The following SMYD3 variants were observed in gnomAD, a reference collection of about 807,000 sequenced individuals.
SMYD3 encodes histone-lysine N-methyltransferase SMYD3.
SMYD3 carries 36 observed loss-of-function variants against 57.7 expected under a neutral mutation model. The observed-to-expected ratio is 0.62, with a 90% confidence interval of 0.48 to 0.82. The LOEUF is 0.82. SMYD3 is among the 40% of genes least tolerant of loss of function. The pLI is 0.00. For synonymous variants in SMYD3, 211 were observed against 195.0 expected (o/e 1.08, Z -0.68); for missense variants, 515 against 538.8 (o/e 0.96, Z 0.44).
chr1:245,830,189 A>G (rs2049750967), intron 10 of SMYD3, among the ~76,000 whole-genome samples: 1 of 152,212 alleles, frequency 6.6e-6, no homozygotes, highest in South Asian at 2.1e-4. Flanking sequence ...TGATCTCAGC[A>G]GTTTGTTCTC....
intron 10 of SMYD3, among the ~76,000 whole-genome samples, chr1:245,776,796 G>C (rs1469370468): frequency 6.6e-6 from 1 of 152,226 alleles, no homozygotes; most frequent in East Asian, 1.9e-4. Flanking sequence ...AGAATCATGA[G>C]AAAGTGAGGC....
At chr1:245,798,398 A>ACACACCACACATACACACACACACATACT (rs1553325421) in intron 10 of SMYD3, among the ~76,000 whole-genome samples, 1 of 15,400 alleles carries the variant, frequency 6.5e-5, no homozygotes, top group Non-Finnish European at 4.6e-4. Flanking sequence ...GCGCACACAC[A>ACACACCACACATACACACACACACATACT]CACACACATA....
chr1:246,036,641 C>T (rs1419396710), intron 5 of SMYD3, among the ~76,000 whole-genome samples: 4 of 150,976 alleles, frequency 2.6e-5, no homozygotes, highest in African/African-American at 7.3e-5. Context: ...GCAAGCTCCA[C>T]CTCCCGGGTT....
intron 10 of SMYD3, among the ~76,000 whole-genome samples, chr1:245,845,457 G>C (rs2050616877): frequency 6.6e-6 from 1 of 152,208 alleles, no homozygotes; most frequent in Non-Finnish European, 1.5e-5. Flanking sequence ...GCCAGAAGGA[G>C]ATAGCACACA....
chr1:246,161,338 G>A (rs934735167), intron 5 of SMYD3, among the ~76,000 whole-genome samples: 1 of 152,160 alleles, frequency 6.6e-6, no homozygotes, highest in Non-Finnish European at 1.5e-5. Flanking sequence ...TTTTCTCTGT[G>A]TGCTAAGCTG....
At chr1:246,506,954 T>A in intron 1 of SMYD3, 100 bp downstream of exon 1, 2 of 1,150,332 alleles carry the variant, frequency 1.7e-6, no homozygotes, top group Non-Finnish European at 2.3e-6. Flanking sequence ...TGCAGCCCCA[T>A]CCAGCAGGAG....
At chr1:245,897,993 G>A (rs1368666495) in intron 8 of SMYD3, among the ~76,000 whole-genome samples, 1 of 152,164 alleles carries the variant, frequency 6.6e-6, no homozygotes, top group Admixed American at 6.5e-5. Flanking sequence ...AATGCTTTGT[G>A]AGTGCCTCAG....
intron 5 of SMYD3, among the ~76,000 whole-genome samples, chr1:246,263,349 C>G (rs201181235): frequency 2.6e-5 from 4 of 151,892 alleles, no homozygotes; most frequent in Non-Finnish European, 5.9e-5. Flanking sequence ...TGTATGTGAC[C>G]TGGGCACATA....
intron 5 of SMYD3, among the ~76,000 whole-genome samples, chr1:246,233,044 G>A (rs528326503): frequency 1.5e-5 from 2 of 133,354 alleles, no homozygotes; most frequent in East Asian, 1.0e-3. Flanking sequence ...ACACAGGGGA[G>A]AAGCACTCCT....
chr1:246,493,668 T>C (rs902736027), intron 1 of SMYD3, among the ~76,000 whole-genome samples: 1 of 152,096 alleles, frequency 6.6e-6, no homozygotes, highest in Admixed American at 6.5e-5. Context: ...ACTATTCCAA[T>C]AGTTCAAAAC....
chr1:246,409,220 T>C lies in SMYD3; in HGVS notation c.165-54126A>G, dbSNP rs535684692. Among the ~76,000 whole-genome samples, 1,053 of 152,268 alleles carry C rather than the reference T, an allele frequency of 6.9e-3. 13 individuals are homozygous for C. The highest frequency in any genetic ancestry group is 0.024 in the African/African-American group (1,001 of 41,546). ...TCAATTTTGGCTTTTGTTGCCATTGTTTTTGGTGTTTTAGACATGAAGTCT... is the reference window on the plus strand; with the variant it reads ...TCAATTTTGGCTTTTGTTGCCATTGCTTTTGGTGTTTTAGACATGAAGTCT... On this transcript the variant is annotated intron_variant, in intron 1 of 11. Coordinates refer to ENST00000490107, the MANE Select transcript of SMYD3 (RefSeq NM_001167740.2).
At chr1:246,442,535 C>T (rs552918617) in intron 1 of SMYD3, among the ~76,000 whole-genome samples, 24 of 150,938 alleles carry the variant, frequency 1.6e-4, no homozygotes, top group East Asian at 3.9e-4. Flanking sequence ...GCTATAAGAG[C>T]GAAACCCCTT....
At chr1:246,346,455 A>G (rs1186044983) in intron 2 of SMYD3, among the ~76,000 whole-genome samples, 1 of 122,590 alleles carries the variant, frequency 8.2e-6, no homozygotes, top group Non-Finnish European at 1.7e-5. Flanking sequence ...CTATGAAAAA[A>G]TACTCAATAC....
chr1:245,833,614 T>C (rs1267950557), intron 10 of SMYD3, among the ~76,000 whole-genome samples: 3 of 152,250 alleles, frequency 2.0e-5, no homozygotes, highest in African/African-American at 7.2e-5. Flanking sequence ...GTTAAGGTAG[T>C]GTTTGCCAAG....
intron 1 of SMYD3, among the ~76,000 whole-genome samples, chr1:246,500,701 C>CA (rs1553357474): frequency 2.0e-5 from 3 of 152,074 alleles, no homozygotes; most frequent in Non-Finnish European, 2.9e-5. Flanking sequence ...CCTCTATCCC[C>CA]GTCCCCATGG....
chr1:246,187,029 T>C, intron 5 of SMYD3: 1 of 696,942 alleles, frequency 1.4e-6, no homozygotes, highest in South Asian at 6.5e-5. Context: ...ATGTGCTAGA[T>C]AACGAGGTGA....
intron 1 of SMYD3, among the ~76,000 whole-genome samples, chr1:246,479,502 A>ATTTTTTTTTTTTT (rs35818746): frequency 9.3e-6 from 1 of 107,634 alleles, no homozygotes; most frequent in East Asian, 2.7e-4. Context: ...AAAAAGCGGG[A>ATTTTTTTTTTTTT]TTTTTTTTTT....
intron 1 of SMYD3, among the ~76,000 whole-genome samples, chr1:246,366,563 T>C (rs992877237): frequency 1.3e-4 from 19 of 144,176 alleles, no homozygotes; most frequent in African/African-American, 5.0e-4. Flanking sequence ...GAAAACCTTC[T>C]TTTTCTCTTA....
At chr1:246,307,086 C>T (rs1424648192) in intron 5 of SMYD3, among the ~76,000 whole-genome samples, 2 of 152,186 alleles carry the variant, frequency 1.3e-5, no homozygotes, top group Non-Finnish European at 2.9e-5. Context: ...AATCACTCAG[C>T]TTCTACTCTG....
Sources: gnomAD v4.1 joint callset for allele counts (sites outside exome capture counted in the v4.1 genomes callset) on GRCh38, gnomAD v4.1.1 for gene constraint, MANE v1.5 for transcripts, NCBI Gene and HGNC (gene_info 2026-07-23, HGNC 2026-07-21) for gene names.